The following ME3 variants were observed in gnomAD, a reference collection of about 807,000 sequenced individuals.
ME3 encodes malic enzyme 3.
Under a neutral mutation model 68.9 loss-of-function variants are expected in ME3, and 48 were observed. The observed-to-expected ratio is 0.70, with a 90% confidence interval of 0.55 to 0.89. ME3 has a LOEUF of 0.89. Among genes scored for constraint, ME3 ranks in the 40% least tolerant of loss-of-function variants. ME3 has a pLI of 0.00. For synonymous variants in ME3, 320 were observed against 318.8 expected (o/e 1.00, Z -0.04); for missense variants, 675 against 797.4 (o/e 0.85, Z 1.85).
chr11:86,574,399 G>GA lies in ME3; in HGVS notation c.184-14577_184-14576insT, dbSNP rs570327505. Among the ~76,000 whole-genome samples the GA allele has an allele frequency of 3.1e-3, 246 of 78,470 alleles. 7 individuals carry two copies. Among genetic ancestry groups the GA allele is most frequent in the Middle Eastern group, 0.024 (4 of 164 alleles). 51.5% of individuals were successfully genotyped at this position (78,470 alleles called of 152,430 possible). On this transcript the variant is annotated intron_variant, in intron 2 of 14. Coordinates refer to ENST00000543262, the Ensembl canonical transcript of ME3. ...CCTTTGGATGGGGTATTTGTTGCCG[G>GA]GGGGGGGGGGGGTGTCTTTTTTGTT... is the stretch of plus-strand genomic sequence containing the variant.
chr11:86,648,993 T>C (rs1316406570), intron 2 of ME3, among the ~76,000 whole-genome samples: 3 of 149,768 alleles, frequency 2.0e-5, no homozygotes, highest in Non-Finnish European at 4.4e-5. Flanking sequence ...GATACCAAAA[T>C]CTGTCAGAGA....
chr11:86,643,961 G>A lies in ME3; in HGVS notation c.183+27801C>T, dbSNP rs551034435. Among the ~76,000 whole-genome samples the A allele has an allele frequency of 1.4e-3, 220 of 152,240 alleles. 1 individual carries two copies. The highest frequency in any genetic ancestry group is 5.2e-3 in the African/African-American group (217 of 41,536). ...AACACCTGCCTCACAAGCTTTTTGTGGGGATCAGATGAGATGACCAATCAG... is the reference window on the plus strand; with the variant it reads ...AACACCTGCCTCACAAGCTTTTTGTAGGGATCAGATGAGATGACCAATCAG... On this transcript the variant is annotated intron_variant, in intron 2 of 14. Coordinates refer to ENST00000543262, the Ensembl canonical transcript of ME3.
intron 2 of ME3, among the ~76,000 whole-genome samples, chr11:86,651,122 A>G (rs1376021896): frequency 6.6e-6 from 1 of 152,250 alleles, no homozygotes; most frequent in Non-Finnish European, 1.5e-5. Flanking sequence ...GGAGACCACC[A>G]CAGCTCAAGG....
intron 2 of ME3, among the ~76,000 whole-genome samples, chr11:86,571,045 TA>T (rs1957761846): frequency 6.6e-6 from 1 of 152,248 alleles, no homozygotes; most frequent in Non-Finnish European, 1.5e-5. Context: ...AAAAAGTTTT[TA>T]AAAGGCTGTG....
At chr11:86,610,045 C>T (rs1942448499) in intron 2 of ME3, among the ~76,000 whole-genome samples, 2 of 152,140 alleles carry the variant, frequency 1.3e-5, no homozygotes, top group South Asian at 4.1e-4. Flanking sequence ...TTGAGGAAGG[C>T]TACATACATT....
intron 2 of ME3, among the ~76,000 whole-genome samples, chr11:86,640,266 A>G (rs1433626698): frequency 6.6e-6 from 1 of 152,216 alleles, no homozygotes; most frequent in Non-Finnish European, 1.5e-5. Flanking sequence ...GTGAAGATCC[A>G]CAGAACACGT....
intron 2 of ME3, among the ~76,000 whole-genome samples, chr11:86,631,241 G>A (rs1943994635): frequency 6.6e-6 from 1 of 152,242 alleles, no homozygotes; most frequent in African/African-American, 2.4e-5. Context: ...ACTGAACACA[G>A]GGATTTCCAA....
intron 2 of ME3, among the ~76,000 whole-genome samples, chr11:86,598,453 A>C (rs565115655): frequency 1.1e-3 from 160 of 152,342 alleles, no homozygotes; most frequent in Middle Eastern, 3.4e-3. Flanking sequence ...CAGGAAGCTC[A>C]AACTGGGTGG....
chr11:86,532,272 A>T (rs993864942), intron 4 of ME3, among the ~76,000 whole-genome samples: 6 of 152,222 alleles, frequency 3.9e-5, no homozygotes, highest in Non-Finnish European at 8.8e-5. Context: ...GCAATACAAT[A>T]ATAGCAGAAG....
At chr11:86,646,159 A>G (rs1474358842) in intron 2 of ME3, among the ~76,000 whole-genome samples, 1 of 152,222 alleles carries the variant, frequency 6.6e-6, no homozygotes, top group East Asian at 1.9e-4. Flanking sequence ...CAAAAAGATC[A>G]CAACTCTTTG....
chr11:86,622,284 T>TCATTTTAC (rs1943394910), intron 2 of ME3, among the ~76,000 whole-genome samples: 2 of 152,072 alleles, frequency 1.3e-5, no homozygotes, highest in African/African-American at 4.8e-5. Context: ...ATGTGGGTTC[T>TCATTTTAC]CATTTTACGC....
Position 86,658,210 on chromosome 11 carries a change from A to G in ME3, c.183+13552T>C, listed in dbSNP as rs144549371. Among the ~76,000 whole-genome samples, 1,323 of 151,178 alleles carry G rather than the reference A, an allele frequency of 8.8e-3. 26 individuals are homozygous for G. Among genetic ancestry groups the G allele is most frequent in the African/African-American group, 0.03 (1,236 of 41,158 alleles). On this transcript the variant is annotated intron_variant, in intron 2 of 14. Transcript: ENST00000543262. ...GCGATCTTGGCGTACTGCAACCTCC[A>G]CCTCCCGAGTTCAAGCATTTGTCCT...
intron 2 of ME3, among the ~76,000 whole-genome samples, chr11:86,606,170 A>T (rs1449622614): frequency 6.6e-6 from 1 of 152,150 alleles, no homozygotes; most frequent in Non-Finnish European, 1.5e-5. Flanking sequence ...TTATCCATTG[A>T]TCTCTACTAT....
intron 4 of ME3, among the ~76,000 whole-genome samples, chr11:86,516,941 A>G (rs1953942301): frequency 1.3e-5 from 2 of 152,138 alleles, no homozygotes. Flanking sequence ...GCTTTGGGTT[A>G]AGTAGGCAGA....
At chr11:86,459,896 A>T (rs77716993) in intron 8 of ME3, among the ~76,000 whole-genome samples, 11,652 of 152,260 alleles carry the variant, frequency 0.077, 498 homozygotes, top group South Asian at 0.11. Context: ...AGGTGGAGGA[A>T]GCTGCAGAGC....
At chr11:86,614,833 GTAT>G (rs1164281526) in intron 2 of ME3, among the ~76,000 whole-genome samples, 1 of 151,992 alleles carries the variant, frequency 6.6e-6, no homozygotes, top group Non-Finnish European at 1.5e-5. Context: ...TCTGATACTG[GTAT>G]TATTTTTCAC....
intron 2 of ME3, among the ~76,000 whole-genome samples, chr11:86,592,588 A>G (rs1286269724): frequency 6.6e-6 from 1 of 152,206 alleles, no homozygotes; most frequent in Non-Finnish European, 1.5e-5. Context: ...GTAACCAGTG[A>G]GAAGGCAAGG....
intron 2 of ME3, among the ~76,000 whole-genome samples, chr11:86,601,414 ATC>A (rs1167156569): frequency 6.6e-6 from 1 of 152,184 alleles, no homozygotes; most frequent in Non-Finnish European, 1.5e-5. Context: ...AAGAAGTTGA[ATC>A]TCTGAATAGA....
chr11:86,472,079 G>C (rs768699336), intron 7 of ME3, among the ~76,000 whole-genome samples: 4 of 152,174 alleles, frequency 2.6e-5, no homozygotes, highest in African/African-American at 4.8e-5. Flanking sequence ...GAGGTTCCCA[G>C]ACAGACTGTG....
Sources: gnomAD v4.1 joint callset for allele counts (sites outside exome capture counted in the v4.1 genomes callset) on GRCh38, gnomAD v4.1.1 for gene constraint, MANE v1.5 for transcripts, NCBI Gene and HGNC (gene_info 2026-07-23, HGNC 2026-07-21) for gene names.